PCDHGA4: variants seen among roughly 807,000 people sequenced by gnomAD.
The protein encoded by PCDHGA4 is protocadherin gamma subfamily A, 4.
A neutral mutation model predicts 54.6 loss-of-function variants in PCDHGA4; 38 were observed. The observed-to-expected ratio is 0.70, with a 90% CI of 0.54 to 0.91. The LOEUF (loss-of-function observed/expected upper bound fraction) is 0.91, where lower values mean the gene tolerates loss of function less well. Ranked by LOEUF, PCDHGA4 falls within the 40% of genes least tolerant of loss-of-function variation. The pLI, the probability that PCDHGA4 is intolerant of heterozygous loss-of-function variation, is 0.00. For missense variants in PCDHGA4, 1,298 were observed against 1,220.9 expected (o/e 1.06, Z -0.94); for synonymous variants, 511 against 512.9 (o/e 1.00, Z 0.05).
At position 141,494,826 on chromosome 5, in the gene PCDHGA4, A is replaced by C; in HGVS notation, c.2534A>C (p.Asp845Ala). The change falls in exon 2 of 4, where the codon GAC becomes GCC. Residue 845 changes from aspartate to alanine, a missense_variant. Asp to Ala is a moderately radical substitution (Grantham distance 126, BLOSUM62 -2). Transcript: ENST00000571252. The part of the protein sequence containing the change: ...PNLQQAPPNT[D>A]WRFSQAQRPG... ...CCACAGCAAGCCCCGCCCAACACGGACTGGCGTTTCTCTCAGGCCCAGAGA... is the reference window on the plus strand; with the variant it reads ...CCACAGCAAGCCCCGCCCAACACGGCCTGGCGTTTCTCTCAGGCCCAGAGA... 4 of 1,613,960 alleles carry C rather than the reference A, an allele frequency of 2.5e-6. No individual in the cohort carries two copies. Among genetic ancestry groups the C allele is most frequent in the Non-Finnish European group, 3.4e-6 (4 of 1,179,976 alleles).
rs566049956 is a variant in PCDHGA4 at position 141,511,685 on chromosome 5, G to A, written c.*512G>A. 1.0e-5 allele frequency: 2 copies of A among 198,374 alleles called. No individual in the cohort carries two copies. Among genetic ancestry groups the A allele is most frequent in the Non-Finnish European group, 2.1e-5 (2 of 94,428 alleles). The allele number at this position is 198,374 out of a possible 1,614,324, so 12.3% of individuals were successfully genotyped here. On this transcript the variant is annotated 3_prime_UTR_variant, in exon 4 of 4. Coordinates refer to ENST00000571252, the MANE Select transcript of PCDHGA4 (RefSeq NM_018917.4). ...GATTCTCAATCTTCCCCCAAAGCAT[G>A]GTTTGGTGCCAGCCCCTTCACCTCC...
rs1561728654 is a variant in PCDHGA4, at chr5:141,410,479, G to C, written c.2514+52858G>C. 3.7e-6 allele frequency: 6 copies of C among 1,613,838 alleles called. No homozygotes were observed. In the African/African-American group the frequency reaches 8.0e-5, roughly 22 times the overall value. ...CTTATAATCTGTGCATTGCACATAC[G>C]GGTACAAAAGAGTTTAATTTCCTAA... On this transcript the variant is annotated intron_variant, in intron 1 of 3. Coordinates refer to ENST00000571252, the MANE Select transcript of PCDHGA4 (RefSeq NM_018917.4).
intron 1 of PCDHGA4, chr5:141,389,392 T>C (rs1258153986): frequency 1.9e-6 from 3 of 1,613,686 alleles, no homozygotes; most frequent in Non-Finnish European, 2.5e-6. Flanking sequence ...TCATCCTACG[T>C]GTCCATAAGC....
intron 1 of PCDHGA4, among the ~76,000 whole-genome samples, chr5:141,439,631 A>C (rs1459977985): frequency 2.0e-5 from 3 of 152,214 alleles, no homozygotes; most frequent in Non-Finnish European, 2.9e-5. Context: ...ATCCCCAGAC[A>C]TTCCGGCTTG....
At chr5:141,435,215 C>G (rs4912753) in intron 1 of PCDHGA4, among the ~76,000 whole-genome samples, 81,908 of 151,924 alleles carry the variant, frequency 0.54, 24,122 homozygotes, top group African/African-American at 0.79. Flanking sequence ...AGTGAATTTA[C>G]TTTCTTTCAA....
rs1195387983 is a variant in PCDHGA4, at chr5:141,355,491, C to T, written c.384C>T (p.Asp128=). 1 of 1,614,050 alleles carries T rather than the reference C, an allele frequency of 6.2e-7. No individual in the cohort carries two copies. Among genetic ancestry groups the T allele is most frequent in the Non-Finnish European group, 8.5e-7 (1 of 1,179,912 alleles). The change falls in exon 1 of 4, where the codon GAC becomes GAT. Residue 128 remains aspartate (D), a synonymous_variant. Transcript: ENST00000571252. ...GGATAGACAGGGAGGAGCTCTGCGA[C>T]AGATCTCCAAACTGTGTGACAAACC... ...AGRIDREELC[D]RSPNCVTNLE...
chr5:141,418,036 G>T, intron 1 of PCDHGA4: 1 of 1,614,020 alleles, frequency 6.2e-7, no homozygotes, highest in Non-Finnish European at 8.5e-7. Context: ...TTAGTGTCCT[G>T]GATGTGTCGG....
rs776854254 is a variant in PCDHGA4 at position 141,487,285 on chromosome 5, C to T, written c.2515-7522C>T. On this transcript the variant is annotated intron_variant, in intron 1 of 3. Coordinates refer to ENST00000571252, the MANE Select transcript of PCDHGA4 (RefSeq NM_018917.4). This position sits in a 1 kb window ranked among gnomAD's most constrained non-coding sequence, Gnocchi z 5.0. The stretch of plus-strand genomic sequence containing the variant: ...CCCTAGTGGCAATTTGCTTTGTCTC[C>T]TTTGGCTCATTCGTGGCACTACTCT... 8 of 1,614,148 alleles carry T rather than the reference C, an allele frequency of 5.0e-6. No homozygotes were observed. The highest frequency in any genetic ancestry group is 6.8e-6 in the Non-Finnish European group (8 of 1,180,036).
intron 1 of PCDHGA4, chr5:141,413,285 A>G: frequency 1.9e-6 from 3 of 1,613,892 alleles, no homozygotes; most frequent in Non-Finnish European, 2.5e-6. Flanking sequence ...CAGATCTCCT[A>G]CTCAATTCCT....
chr5:141,497,031 A>G (rs898409925), intron 2 of PCDHGA4, among the ~76,000 whole-genome samples: 14 of 152,184 alleles, frequency 9.2e-5, no homozygotes, highest in African/African-American at 3.4e-4. Context: ...TCGATTAAAA[A>G]TACAAAAATT....
rs1486545769 is a variant in PCDHGA4 at position 141,431,780 on chromosome 5, A to T, written c.2515-63027A>T. On this transcript the variant is annotated intron_variant, in intron 1 of 3. Coordinates refer to ENST00000571252, the MANE Select transcript of PCDHGA4 (RefSeq NM_018917.4). This position sits in a 1 kb window ranked among gnomAD's most constrained non-coding sequence, Gnocchi z 4.8. The stretch of plus-strand genomic sequence containing the variant: ...AGTCCTGATCACTGTTCTGGACGTG[A>T]ACGACAATGCCCCAGAAGTGGTCCT... 4 of 1,614,086 alleles carry T rather than the reference A, an allele frequency of 2.5e-6. No homozygotes were observed. The highest frequency in any genetic ancestry group is 3.4e-6 in the Non-Finnish European group (4 of 1,180,028).
chr5:141,416,990 A>C (rs912916110), intron 1 of PCDHGA4: 20 of 151,946 alleles, frequency 1.3e-4, no homozygotes, highest in African/African-American at 4.1e-4. Flanking sequence ...ATTATTGTGC[A>C]TTCATCTCAA....
At position 141,486,679 on chromosome 5, in the gene PCDHGA4, A is replaced by G. The variant is rs1416879364; in HGVS notation, c.2515-8128A>G. The G allele has an allele frequency of 6.2e-7, 1 of 1,614,092 alleles. No individual in the cohort carries two copies. The highest frequency in any genetic ancestry group is 1.7e-5 in the Admixed American group (1 of 60,026). On this transcript the variant is annotated intron_variant, in intron 1 of 3. Coordinates refer to ENST00000571252, the MANE Select transcript of PCDHGA4 (RefSeq NM_018917.4). The surrounding 1 kb of genome is among the most constrained non-coding windows in gnomAD (Gnocchi z 5.0). Reference sequence around the variant, plus strand: ...TCCTGGAGCCCAGGAATCGAGATGTATCAGCTTCCTCTTTCATCTCTCTGA... The same window carrying G: ...TCCTGGAGCCCAGGAATCGAGATGTGTCAGCTTCCTCTTTCATCTCTCTGA...
chr5:141,410,238 C>CA, intron 1 of PCDHGA4: 1 of 1,614,046 alleles, frequency 6.2e-7, no homozygotes, highest in Non-Finnish European at 8.5e-7. Context: ...AGCGACCGCC[C>CA]TGTACTCTCT....
chr5:141,375,235 T>C (rs1335648205), intron 1 of PCDHGA4: 1 of 1,613,872 alleles, frequency 6.2e-7, no homozygotes, highest in Non-Finnish European at 8.5e-7. Flanking sequence ...TGGTAACCTG[T>C]TCCATCCCGA....
Position 141,432,846 on chromosome 5 carries a change from C to T in PCDHGA4, c.2515-61961C>T, listed in dbSNP as rs1312403897. ...GACCTCACTCTGTACCTGGTGGTAGCGGTGGCCGCGGTCTCCTGCGTCTTC... is the reference window on the plus strand; with the variant it reads ...GACCTCACTCTGTACCTGGTGGTAGTGGTGGCCGCGGTCTCCTGCGTCTTC... On this transcript the variant is annotated intron_variant, in intron 1 of 3. Transcript: ENST00000571252. The surrounding 1 kb of genome is among the most constrained non-coding windows in gnomAD (Gnocchi z 6.0). 2.5e-6 allele frequency: 4 copies of T among 1,614,192 alleles called. No homozygotes were observed. The African/African-American group carries it at 5.3e-5, about 22-fold the overall frequency.
At chr5:141,450,831 T>TA (rs761717068) in intron 1 of PCDHGA4, among the ~76,000 whole-genome samples, 7,796 of 144,584 alleles carry the variant, frequency 0.054, 354 homozygotes, top group African/African-American at 0.12. Context: ...TTATTATTAT[T>TA]TTTTTTTTTT....
chr5:141,436,393 A>G (rs560164691), intron 1 of PCDHGA4, among the ~76,000 whole-genome samples: 2 of 152,342 alleles, frequency 1.3e-5, no homozygotes, highest in South Asian at 4.1e-4. Context: ...GCTTTATTAA[A>G]TAGTTGTTGA....
chr5:141,377,364 A>C (rs1163264209), intron 1 of PCDHGA4: 2 of 152,154 alleles, frequency 1.3e-5, no homozygotes, highest in Non-Finnish European at 2.9e-5. Flanking sequence ...CCACCTCTTC[A>C]GGAGGCTGAG....
Sources: gnomAD v4.1 joint callset for allele counts (sites outside exome capture counted in the v4.1 genomes callset) on GRCh38, gnomAD v4.1.1 for gene constraint, Gnocchi (gnomAD v3.1) non-coding constraint, MANE v1.5 for transcripts, NCBI Gene and HGNC (gene_info 2026-07-23, HGNC 2026-07-21) for gene names.